Variants in SUMF1 observed in about 807,000 individuals in gnomAD.
SUMF1 encodes the protein formylglycine-generating enzyme.
SUMF1 carries 48 observed loss-of-function variants against 47.6 expected under a neutral mutation model. The ratio of observed to expected loss-of-function variants is 1.01; its 90% CI spans 0.80 to 1.28. The LOEUF is 1.28. Among genes scored for constraint, SUMF1 ranks in the 50% most tolerant of loss-of-function variants. The probability of loss-of-function intolerance (pLI) is 0.00; values close to 1 mark genes in which losing one functional copy is unlikely to be tolerated. For missense variants in SUMF1, 571 were observed against 485.4 expected, an observed-to-expected ratio of 1.18 and a Z score of -1.66; for synonymous variants, 230 against 192.1, an observed-to-expected ratio of 1.20 and a Z score of -1.63.
chr3:4,362,886 C>T (rs1351577404), intron 8 of SUMF1, among the ~76,000 whole-genome samples: 1 of 151,834 alleles, frequency 6.6e-6, no homozygotes, highest in Non-Finnish European at 1.5e-5. Context: ...TGTACTAAAG[C>T]CTGGGTGACA....
At chr3:4,249,720 AAG>A (rs1336710238) in intron 8 of SUMF1, among the ~76,000 whole-genome samples, 1 of 152,206 alleles carries the variant, frequency 6.6e-6, no homozygotes, top group African/African-American at 2.4e-5. Context: ...ACTTTAAATC[AAG>A]AGAGTTAGAA....
At chr3:4,221,025 C>A (rs1194359486) in intron 8 of SUMF1, among the ~76,000 whole-genome samples, 1 of 152,102 alleles carries the variant, frequency 6.6e-6, no homozygotes, top group African/African-American at 2.4e-5. Context: ...ACTATGACTT[C>A]TTTAATCAGG....
At chr3:4,287,245 C>A (rs892563221) in intron 8 of SUMF1, among the ~76,000 whole-genome samples, 2 of 152,004 alleles carry the variant, frequency 1.3e-5, no homozygotes, top group African/African-American at 2.4e-5. Flanking sequence ...ATAAAGGGAA[C>A]CTGAGACCAA....
chr3:4,067,883 G>C (rs1695414769), intron 9 of SUMF1, among the ~76,000 whole-genome samples: 1 of 152,130 alleles, frequency 6.6e-6, no homozygotes, highest in Non-Finnish European at 1.5e-5. Flanking sequence ...AGAGGATAAA[G>C]ACTGTAACCA....
chr3:4,229,758 A>AGG (rs1696255837), intron 8 of SUMF1, among the ~76,000 whole-genome samples: 1 of 152,270 alleles, frequency 6.6e-6, no homozygotes, highest in East Asian at 1.9e-4. Flanking sequence ...TCATGTCTCT[A>AGG]ATCCCAGCAC....
chr3:4,296,011 G>C (rs1223764598), intron 8 of SUMF1, among the ~76,000 whole-genome samples: 2 of 151,706 alleles, frequency 1.3e-5, no homozygotes, highest in Non-Finnish European at 2.9e-5. Context: ...CTGTCTTTTG[G>C]AAAACATAAC....
chr3:4,134,959 C>A (rs1219779975), intron 8 of SUMF1, among the ~76,000 whole-genome samples: 3 of 152,114 alleles, frequency 2.0e-5, no homozygotes, highest in Non-Finnish European at 4.4e-5. Context: ...ATAACAGGCT[C>A]TGAAATTGTG....
chr3:4,169,132 A>G (rs949512151), intron 8 of SUMF1, among the ~76,000 whole-genome samples: 4 of 152,194 alleles, frequency 2.6e-5, no homozygotes, highest in African/African-American at 9.7e-5. Flanking sequence ...ATTGCATTGT[A>G]TAACAGATGG....
In SUMF1 at chr3:4,169,908, T is replaced by G. The variant is rs543885154; in HGVS notation, c.1015-101163A>C. Among the ~76,000 whole-genome samples, 13 of 152,254 alleles carry G rather than the reference T, an allele frequency of 8.5e-5. No individual in the cohort carries two copies. In the South Asian group the frequency reaches 2.7e-3, roughly 32 times the overall value. The stretch of plus-strand genomic sequence containing the variant: ...AACTACTCAGCAAGAGAGTTTTCCT[T>G]GAGAGGTTTTTAACTAAAAGGTTCT... On this transcript the variant is annotated intron_variant and NMD_transcript_variant, in intron 8 of 12. Transcript: ENST00000448413.
At chr3:4,140,950 T>A (rs1023478051) in intron 8 of SUMF1, among the ~76,000 whole-genome samples, 1 of 152,122 alleles carries the variant, frequency 6.6e-6, no homozygotes, top group African/African-American at 2.4e-5. Context: ...ACACAGTCCC[T>A]GAAAAATAGA....
intron 8 of SUMF1, among the ~76,000 whole-genome samples, chr3:4,227,353 C>A (rs1489747972): frequency 6.7e-6 from 1 of 148,892 alleles, no homozygotes; most frequent in Non-Finnish European, 1.5e-5. Context: ...AGGTGTTAAC[C>A]AAATGAACAC....
intron 8 of SUMF1, among the ~76,000 whole-genome samples, chr3:4,100,773 C>T (rs1693013838): frequency 6.6e-6 from 1 of 151,904 alleles, no homozygotes. Context: ...AGCTAATATT[C>T]AAAATATATA....
intron 8 of SUMF1, among the ~76,000 whole-genome samples, chr3:4,091,967 G>C (rs934722420): frequency 6.6e-6 from 1 of 151,722 alleles, no homozygotes; most frequent in Non-Finnish European, 1.5e-5. Context: ...ATACATTTAG[G>C]CACTTAGTCA....
intron 8 of SUMF1, among the ~76,000 whole-genome samples, chr3:4,140,186 A>G (rs1694040740): frequency 6.6e-6 from 1 of 152,056 alleles, no homozygotes; most frequent in Non-Finnish European, 1.5e-5. Context: ...CCTGGGATAG[A>G]ATTTATACCT....
chr3:4,218,581 G>A (rs1412246040), intron 8 of SUMF1, among the ~76,000 whole-genome samples: 1 of 151,998 alleles, frequency 6.6e-6, no homozygotes, highest in Non-Finnish European at 1.5e-5. Flanking sequence ...CTAAACTGTG[G>A]GCATTCAGCG....
intron 8 of SUMF1, among the ~76,000 whole-genome samples, chr3:4,294,326 G>A (rs1697800637): frequency 2.0e-5 from 3 of 152,154 alleles, no homozygotes; most frequent in Admixed American, 6.5e-5. Context: ...ACTTTGGGAG[G>A]CCAAGGCAGA....
chr3:4,185,380 G>GT (rs890742095), intron 8 of SUMF1, among the ~76,000 whole-genome samples: 5 of 152,214 alleles, frequency 3.3e-5, no homozygotes, highest in African/African-American at 9.6e-5. Flanking sequence ...ACTTTTCATT[G>GT]TTTTTTTGAA....
intron 3 of SUMF1, among the ~76,000 whole-genome samples, chr3:4,422,847 G>A (rs1303128871): frequency 6.6e-6 from 1 of 151,480 alleles, no homozygotes; most frequent in African/African-American, 2.4e-5. Context: ...GTGGTATTTG[G>A]TTACATGTGT....
chr3:4,230,022 A>AG lies in SUMF1; in HGVS notation c.1014+146307dup, dbSNP rs1696264390. On this transcript the variant is annotated intron_variant and NMD_transcript_variant, in intron 8 of 12. Transcript: ENST00000448413. ...AGTGAGACCTTGTCACCAAAAAAAA[A>AG]GAAAAGAAAAGAAAAAGAAACTTCA... is the stretch of plus-strand genomic sequence containing the variant. 3.3e-5 allele frequency among the ~76,000 whole-genome samples: 5 copies of AG among 152,206 alleles called. No homozygotes were observed. In the South Asian group the frequency reaches 1.0e-3, roughly 32 times the overall value.
Sources: allele counts gnomAD v4.1 joint callset (sites outside exome capture counted in the v4.1 genomes callset), GRCh38; gene constraint gnomAD v4.1.1; transcripts MANE v1.5; gene names NCBI Gene and HGNC (gene_info 2026-07-23, HGNC 2026-07-21).